The following GDPD5 variants were observed in gnomAD, a reference collection of about 807,000 sequenced individuals.
GDPD5 encodes the protein glycerophosphodiester phosphodiesterase 2.
A neutral mutation model predicts 75.1 loss-of-function variants in GDPD5; 48 were observed. The ratio of observed to expected loss-of-function variants is 0.64; its 90% confidence interval spans 0.51 to 0.81. The LOEUF (loss-of-function observed/expected upper bound fraction) is 0.81, where lower values mean the gene tolerates loss of function less well. GDPD5 is among the 40% of genes least tolerant of loss of function. GDPD5 has a pLI of 0.00. For synonymous variants in GDPD5, 336 were observed against 339.0 expected, an observed-to-expected ratio of 0.99 and a Z score of 0.10; for missense variants, 706 against 822.6, an observed-to-expected ratio of 0.86 and a Z score of 1.73.
At chr11:75,469,640 G>A (rs757877826) in intron 3 of GDPD5, among the ~76,000 whole-genome samples, 1 of 152,240 alleles carries the variant, frequency 6.6e-6, no homozygotes, top group Non-Finnish European at 1.5e-5. Flanking sequence ...TGGGATTTCA[G>A]AGTTAACTAA....
At chr11:75,485,672 G>GC (rs1468360032) in intron 2 of GDPD5, 2 of 152,222 alleles carry the variant, frequency 1.3e-5, no homozygotes, top group Non-Finnish European at 2.9e-5. Context: ...CATGGTTGCA[G>GC]CCCCACAGGG....
chr11:75,521,288 AGG>A (rs1941445739), intron 1 of GDPD5, among the ~76,000 whole-genome samples: 1 of 152,212 alleles, frequency 6.6e-6, no homozygotes, highest in Admixed American at 6.5e-5. Flanking sequence ...AACCTTGTCC[AGG>A]CTTTTTACAC....
chr11:75,497,068 C>A (rs1795061371), intron 1 of GDPD5, among the ~76,000 whole-genome samples: 1 of 152,082 alleles, frequency 6.6e-6, no homozygotes, highest in African/African-American at 2.4e-5. Flanking sequence ...CAGGCATGAG[C>A]CACCATGTCC....
chr11:75,453,232 CT>C (rs990515880), intron 6 of GDPD5, among the ~76,000 whole-genome samples: 3 of 152,104 alleles, frequency 2.0e-5, no homozygotes, highest in Non-Finnish European at 4.4e-5. Context: ...ACCCAGCCTG[CT>C]GTGAATGGCT....
chr11:75,517,486 A>C (rs7938412), intron 1 of GDPD5: 19,819 of 151,830 alleles, frequency 0.13, 1,455 homozygotes, highest in East Asian at 0.23. Flanking sequence ...AACCAAAAAC[A>C]AAAAAACTGC....
At chr11:75,523,847 A>T (rs1008653019) in intron 1 of GDPD5, among the ~76,000 whole-genome samples, 1 of 152,154 alleles carries the variant, frequency 6.6e-6, no homozygotes, top group African/African-American at 2.4e-5. Context: ...TGAGCTTCAG[A>T]CTTCCACAGA....
At chr11:75,521,919 G>C (rs766446223) in intron 1 of GDPD5, among the ~76,000 whole-genome samples, 1 of 152,094 alleles carries the variant, frequency 6.6e-6, no homozygotes, top group Admixed American at 6.5e-5. Flanking sequence ...CCATAACTAG[G>C]GCCTGGTCTT....
intron 9 of GDPD5, among the ~76,000 whole-genome samples, chr11:75,444,711 G>A (rs1948943274): frequency 6.6e-6 from 1 of 152,152 alleles, no homozygotes; most frequent in African/African-American, 2.4e-5. Context: ...GTTTTACTGG[G>A]GGCGGGGGAG....
chr11:75,499,941 C>T (rs1291203033), intron 1 of GDPD5, among the ~76,000 whole-genome samples: 1 of 152,240 alleles, frequency 6.6e-6, no homozygotes, highest in Non-Finnish European at 1.5e-5. Context: ...AGTGGAGCTT[C>T]TGCCTCCTGG....
At chr11:75,469,853 C>CA (rs1949618844) in intron 3 of GDPD5, among the ~76,000 whole-genome samples, 1 of 152,216 alleles carries the variant, frequency 6.6e-6, no homozygotes, top group African/African-American at 2.4e-5. Context: ...CCCTGCCTCA[C>CA]ACCCCGTACC....
At chr11:75,477,039 G>A (rs1309728942) in intron 3 of GDPD5, among the ~76,000 whole-genome samples, 1 of 152,204 alleles carries the variant, frequency 6.6e-6, no homozygotes, top group Non-Finnish European at 1.5e-5. Flanking sequence ...ACAGGAATTG[G>A]GTTCCTTCAG....
chr11:75,511,445 C>A (rs562687866), intron 1 of GDPD5, among the ~76,000 whole-genome samples: 2 of 152,172 alleles, frequency 1.3e-5, no homozygotes, highest in African/African-American at 4.8e-5. Flanking sequence ...GTCCCTAATT[C>A]GTATTAATAC....
chr11:75,443,019 T>A (rs1367415717), intron 11 of GDPD5, 117 bp downstream of exon 11: 2 of 1,195,308 alleles, frequency 1.7e-6, no homozygotes, highest in Non-Finnish European at 2.4e-6. Context: ...TGGGTGGAGG[T>A]CGCGAAAGCT....
At position 75,488,992 on chromosome 11, in the gene GDPD5, C is replaced by T. The variant is rs565408916; in HGVS notation, c.-61+1245G>A. Among the ~76,000 whole-genome samples the T allele has an allele frequency of 2.9e-3, 442 of 152,284 alleles. 1 individual carries two copies. Among genetic ancestry groups the T allele is most frequent in the Non-Finnish European group, 5.2e-3 (352 of 68,018 alleles). On this transcript the variant is annotated intron_variant, in intron 2 of 16. Coordinates refer to ENST00000336898, the MANE Select transcript of GDPD5 (RefSeq NM_030792.8). ...CTGTATAGAGGACCTATGTCCCCTG[C>T]ACTGGGCCTGGCACCAAGGAGGTAC...
chr11:75,503,219 T>C (rs1950329320), intron 1 of GDPD5, among the ~76,000 whole-genome samples: 2 of 152,060 alleles, frequency 1.3e-5, no homozygotes, highest in Admixed American at 1.3e-4. Flanking sequence ...GGGGGTTTCA[T>C]CATGTTGGCC....
chr11:75,521,978 A>C (rs1941477185), intron 1 of GDPD5, among the ~76,000 whole-genome samples: 1 of 152,166 alleles, frequency 6.6e-6, no homozygotes, highest in Admixed American at 6.5e-5. Flanking sequence ...TGGGGGCTCC[A>C]TTAAGCTTTC....
At chr11:75,458,210 T>G (rs762138949) in intron 4 of GDPD5, among the ~76,000 whole-genome samples, 3 of 152,232 alleles carry the variant, frequency 2.0e-5, no homozygotes, top group Non-Finnish European at 2.9e-5. Context: ...TTCACTGTCT[T>G]GTAGGACCTT....
intron 10 of GDPD5, among the ~76,000 whole-genome samples, chr11:75,444,088 T>G (rs1948914501): frequency 6.6e-6 from 1 of 152,228 alleles, no homozygotes; most frequent in Admixed American, 6.5e-5. Context: ...TGTGGTATTT[T>G]AAAACGTAAC....
rs992394812 is a variant in GDPD5 at position 75,443,225 on chromosome 11, C to T, written c.859G>A (p.Glu287Lys). ...TTLRRTTNVEEEFPELARRPA... is the reference protein window; with the variant it reads ...TTLRRTTNVEKEFPELARRPA... The stretch of plus-strand genomic sequence containing the variant: ...CTGCGGGCCAGCTCCGGGAACTCCT[C>T]CTCCACGTTGGTGGTGCGCCGCAGG... Residue 287 changes from glutamate to lysine, a missense_variant, in exon 11 of 17, where the codon GAG becomes AAG. Coordinates refer to ENST00000336898, the MANE Select transcript of GDPD5 (RefSeq NM_030792.8). 6.2e-7 allele frequency: 1 copy of T among 1,608,448 alleles called. No individual in the cohort carries two copies. Among genetic ancestry groups the T allele is most frequent in the Middle Eastern group, 1.7e-4 (1 of 6,048 alleles).
Sources: gnomAD v4.1 joint callset for allele counts (sites outside exome capture counted in the v4.1 genomes callset) on GRCh38, gnomAD v4.1.1 for gene constraint, MANE v1.5 for transcripts, NCBI Gene and HGNC (gene_info 2026-07-23, HGNC 2026-07-21) for gene names.